Variants in CAMTA1 observed in about 807,000 individuals in gnomAD.
The protein encoded by CAMTA1 is calmodulin-binding transcription activator 1.
Under a neutral mutation model 170.9 loss-of-function variants are expected in CAMTA1, and 27 were observed. The ratio of observed to expected loss-of-function variants is 0.16; its 90% CI spans 0.12 to 0.22. The LOEUF is 0.22. Among genes scored for constraint, CAMTA1 ranks in the 10% least tolerant of loss-of-function variants. The pLI, the probability that CAMTA1 is intolerant of heterozygous loss-of-function variation, is 1.00. For synonymous variants in CAMTA1, 833 were observed against 891.5 expected (o/e 0.93, Z 1.17); for missense variants, 1,619 against 2,217.2 (o/e 0.73, Z 5.42).
chr1:7,762,693 A>G lies in CAMTA1; in HGVS notation c.4990-3766A>G, dbSNP rs575915050. Among the ~76,000 whole-genome samples the G allele has an allele frequency of 3.9e-5, 6 of 152,300 alleles. No homozygotes were observed. In the South Asian group the frequency reaches 1.2e-3, roughly 32 times the overall value. The stretch of plus-strand genomic sequence containing the variant: ...CATCTATATGGTCCATAAATTGCAA[A>G]TTGGAGAATAAAGCTAAAAATCTCC... On this transcript the variant is annotated intron_variant, in intron 22 of 22. Transcript: ENST00000303635.
intron 3 of CAMTA1, among the ~76,000 whole-genome samples, chr1:7,015,474 G>A (rs927492081): frequency 3.3e-5 from 5 of 152,160 alleles, no homozygotes; most frequent in Non-Finnish European, 1.5e-5. Context: ...TGCCCAGCCT[G>A]CCTCTCCTCT....
At chr1:7,403,471 A>G (rs1377309779) in intron 5 of CAMTA1, among the ~76,000 whole-genome samples, 2 of 152,232 alleles carry the variant, frequency 1.3e-5, no homozygotes, top group African/African-American at 4.8e-5. Flanking sequence ...CTTTAAGTGT[A>G]TGTAGCGAGA....
chr1:7,125,688 G>C (rs1170475973), intron 4 of CAMTA1, among the ~76,000 whole-genome samples: 2 of 152,172 alleles, frequency 1.3e-5, no homozygotes, highest in Non-Finnish European at 2.9e-5. Flanking sequence ...CGGGGCGACT[G>C]GGGGCTGGCG....
chr1:6,847,695 A>AC (rs1412467418), intron 3 of CAMTA1, among the ~76,000 whole-genome samples: 1 of 145,758 alleles, frequency 6.9e-6, no homozygotes, highest in Non-Finnish European at 1.5e-5. Flanking sequence ...ATGCACTGCC[A>AC]CCCCCAGCTA....
At chr1:6,861,158 G>A (rs908685486) in intron 3 of CAMTA1, among the ~76,000 whole-genome samples, 2 of 152,066 alleles carry the variant, frequency 1.3e-5, no homozygotes, top group Non-Finnish European at 2.9e-5. Context: ...GTTTCACCTC[G>A]TTGTCCAGGC....
chr1:7,723,969 A>G (rs1035206128), intron 11 of CAMTA1, among the ~76,000 whole-genome samples: 1 of 152,060 alleles, frequency 6.6e-6, no homozygotes, highest in Non-Finnish European at 1.5e-5. Flanking sequence ...ACAGGTGCCC[A>G]CCACCACACC....
At chr1:7,243,016 T>A (rs1665159206) in intron 4 of CAMTA1, among the ~76,000 whole-genome samples, 1 of 152,164 alleles carries the variant, frequency 6.6e-6, no homozygotes, top group South Asian at 2.1e-4. Flanking sequence ...TCCCACTGAC[T>A]TGAGATACCT....
chr1:7,533,482 G>A (rs1363330232), intron 6 of CAMTA1, among the ~76,000 whole-genome samples: 1 of 152,338 alleles, frequency 6.6e-6, no homozygotes. Flanking sequence ...GGGCTACTCC[G>A]AAGGGAGGTA....
chr1:7,187,909 A>G (rs1448113804), intron 4 of CAMTA1, among the ~76,000 whole-genome samples: 2 of 152,188 alleles, frequency 1.3e-5, no homozygotes, highest in East Asian at 3.9e-4. Flanking sequence ...TTAGTCTGTT[A>G]TCACACTGCT....
chr1:6,817,932 T>TTTA (rs1347749355), intron 1 of CAMTA1, among the ~76,000 whole-genome samples: 1 of 152,172 alleles, frequency 6.6e-6, no homozygotes. Context: ...AAAGACTTTA[T>TTTA]TTATATGGAC....
rs916878231 is a variant in CAMTA1, at chr1:7,738,556, C to T, written c.4182+74C>T. ...TGCTGTGATCTTTATGGTCCATTTC[C>T]GAAGGTTGTGTCATTTTCCTCCCCG... On this transcript the variant is annotated intron_variant, in intron 16 of 22. Transcript: ENST00000303635. The surrounding 1 kb of genome is among the most constrained non-coding windows in gnomAD (Gnocchi z 4.9). 23 of 1,499,058 alleles carry T rather than the reference C, an allele frequency of 1.5e-5. No individual in the cohort carries two copies. The highest frequency in any genetic ancestry group is 5.6e-5 in the African/African-American group (4 of 71,890). 92.9% of individuals were successfully genotyped at this position (1,499,058 alleles called of 1,614,324 possible). A position where few individuals can be genotyped will look rare whatever the true frequency, so the allele number is the denominator to read the frequency against.
At chr1:7,102,023 AACACACACACACACACAC>A (rs57209159) in intron 4 of CAMTA1, among the ~76,000 whole-genome samples, 37,090 of 148,676 alleles carry the variant, frequency 0.25, 4,789 homozygotes, top group East Asian at 0.31. Context: ...ATAAATACAC[AACACACACACACACACAC>A]ACACACACAC....
chr1:7,296,033 G>A (rs1462853239), intron 5 of CAMTA1, among the ~76,000 whole-genome samples: 1 of 152,220 alleles, frequency 6.6e-6, no homozygotes, highest in Non-Finnish European at 1.5e-5. Flanking sequence ...CGATCATGGG[G>A]TTGTTGGGAG....
At chr1:7,553,241 G>C (rs28612567) in intron 6 of CAMTA1, among the ~76,000 whole-genome samples, 5 of 71,568 alleles carry the variant, frequency 7.0e-5, no homozygotes, top group Non-Finnish European at 2.1e-4. Context: ...GGGAATGAAT[G>C]AATGAGGGAA....
intron 5 of CAMTA1, among the ~76,000 whole-genome samples, chr1:7,269,141 G>A (rs558844927): frequency 6.6e-6 from 1 of 152,336 alleles, no homozygotes; most frequent in Admixed American, 6.5e-5. Flanking sequence ...CTGCATCAGG[G>A]CCTCTCACAA....
intron 6 of CAMTA1, among the ~76,000 whole-genome samples, chr1:7,554,051 G>A (rs749124556): frequency 4.6e-5 from 7 of 152,174 alleles, no homozygotes; most frequent in African/African-American, 1.7e-4. Flanking sequence ...GCACACTGCA[G>A]GGAAGTGTCT....
intron 5 of CAMTA1, among the ~76,000 whole-genome samples, chr1:7,253,525 GA>G (rs1666922694): frequency 6.6e-6 from 1 of 152,174 alleles, no homozygotes; most frequent in African/African-American, 2.4e-5. Flanking sequence ...CAACAGATGG[GA>G]GCCACACAAT....
chr1:7,167,671 A>G (rs1004184181), intron 4 of CAMTA1, among the ~76,000 whole-genome samples: 2 of 152,184 alleles, frequency 1.3e-5, no homozygotes, highest in African/African-American at 4.8e-5. Flanking sequence ...GATTGGAATT[A>G]CATTAAATCT....
At chr1:7,493,306 TGC>T (rs1329959815) in intron 6 of CAMTA1, among the ~76,000 whole-genome samples, 5 of 73,726 alleles carry the variant, frequency 6.8e-5, no homozygotes, top group African/African-American at 1.8e-4. Context: ...AACATACAAA[TGC>T]GCACACAAAC....
Sources: gnomAD v4.1 joint callset for allele counts (sites outside exome capture counted in the v4.1 genomes callset) on GRCh38, gnomAD v4.1.1 for gene constraint, Gnocchi (gnomAD v3.1) non-coding constraint, MANE v1.5 for transcripts, NCBI Gene and HGNC (gene_info 2026-07-23, HGNC 2026-07-21) for gene names.